RASGEF1A: variants seen among roughly 807,000 people sequenced by gnomAD.
The protein encoded by RASGEF1A is ras-GEF domain-containing family member 1A.
Under a neutral mutation model 56.4 loss-of-function variants are expected in RASGEF1A, and 18 were observed. That is an observed-to-expected ratio of 0.32 (90% CI 0.22 to 0.47). The LOEUF (loss-of-function observed/expected upper bound fraction) is 0.47, where lower values mean the gene tolerates loss of function less well. RASGEF1A is among the 20% of genes least tolerant of loss of function. RASGEF1A has a pLI of 1.00. For missense variants in RASGEF1A, 422 were observed against 627.1 expected, an observed-to-expected ratio of 0.67 and a Z score of 3.49; for synonymous variants, 245 against 242.6, an observed-to-expected ratio of 1.01 and a Z score of -0.09.
intron 2 of RASGEF1A, 96 bp from the exon 3 acceptor site, chr10:43,203,516 C>G: frequency 1.4e-6 from 2 of 1,436,718 alleles, no homozygotes; most frequent in Non-Finnish European, 1.8e-6. Context: ...CCTCCCAGGC[C>G]CAGCACCGCC....
chr10:43,219,265 T>C (rs1166668895), intron 1 of RASGEF1A, among the ~76,000 whole-genome samples: 1 of 152,196 alleles, frequency 6.6e-6, no homozygotes, highest in East Asian at 1.9e-4. Flanking sequence ...TGGGCAGCCC[T>C]GTGCCTCCCA....
chr10:43,232,485 C>CTTTTTTT (rs55766600), intron 1 of RASGEF1A, among the ~76,000 whole-genome samples: 3 of 123,692 alleles, frequency 2.4e-5, no homozygotes, highest in Non-Finnish European at 1.7e-5. Context: ...CAGTCTCCGG[C>CTTTTTTT]TTTTTTTTTT....
intron 1 of RASGEF1A, among the ~76,000 whole-genome samples, chr10:43,228,598 G>T (rs1179032176): frequency 6.6e-6 from 1 of 152,238 alleles, no homozygotes; most frequent in Non-Finnish European, 1.5e-5. Context: ...ACTGCACCAT[G>T]TTGTGAGCTG....
At chr10:43,212,152 C>T (rs1219203772) in intron 1 of RASGEF1A, among the ~76,000 whole-genome samples, 2 of 152,168 alleles carry the variant, frequency 1.3e-5, no homozygotes, top group Non-Finnish European at 2.9e-5. Context: ...AATCCTCACC[C>T]CAGAGGCACT....
chr10:43,242,994 C>T lies in RASGEF1A; in HGVS notation c.-7+23851G>A, dbSNP rs368840214. The stretch of plus-strand genomic sequence containing the variant: ...GCAGCGTCTCTGCCTGGCCGCCCAT[C>T]GTCTGGGATGTGAGGAGCCCCTCTG... On this transcript the variant is annotated intron_variant, in intron 1 of 12. Coordinates refer to ENST00000395810, the MANE Select transcript of RASGEF1A (RefSeq NM_145313.4). 4.1e-3 allele frequency among the ~76,000 whole-genome samples: 621 copies of T among 151,918 alleles called. 4 individuals are homozygous for T. Among genetic ancestry groups the T allele is most frequent in the African/African-American group, 0.014 (579 of 41,392 alleles).
intron 1 of RASGEF1A, among the ~76,000 whole-genome samples, chr10:43,252,326 C>T (rs1044821949): frequency 1.3e-5 from 2 of 152,202 alleles, no homozygotes; most frequent in African/African-American, 2.4e-5. Context: ...CAGACCAGCA[C>T]ACCCACCTCT....
At chr10:43,198,634 C>A (rs1253552111) in intron 9 of RASGEF1A, among the ~76,000 whole-genome samples, 1 of 152,280 alleles carries the variant, frequency 6.6e-6, no homozygotes, top group Non-Finnish European at 1.5e-5. Context: ...GACCTGGAGA[C>A]ACTGACCAAG....
intron 1 of RASGEF1A, among the ~76,000 whole-genome samples, chr10:43,249,250 C>A (rs1840600192): frequency 6.6e-6 from 1 of 152,226 alleles, no homozygotes; most frequent in Non-Finnish European, 1.5e-5. Flanking sequence ...CACACCCACA[C>A]CACTGCCAGC....
chr10:43,220,192 G>A (rs768440829), intron 1 of RASGEF1A, among the ~76,000 whole-genome samples: 1 of 152,208 alleles, frequency 6.6e-6, no homozygotes, highest in Non-Finnish European at 1.5e-5. Context: ...ATAATGTGTT[G>A]TGGTCCTTAG....
At chr10:43,256,352 C>A (rs1375739786) in intron 1 of RASGEF1A, among the ~76,000 whole-genome samples, 1 of 152,192 alleles carries the variant, frequency 6.6e-6, no homozygotes, top group Non-Finnish European at 1.5e-5. Flanking sequence ...CTGGCTGTGT[C>A]CTCCCTGGAC....
chr10:43,215,772 C>T (rs1840128641), intron 1 of RASGEF1A, among the ~76,000 whole-genome samples: 2 of 152,162 alleles, frequency 1.3e-5, no homozygotes, highest in Admixed American at 6.5e-5. Context: ...TGTGGTGCCA[C>T]GCACAACGGC....
chr10:43,225,762 G>A (rs1446591975), intron 1 of RASGEF1A, among the ~76,000 whole-genome samples: 2 of 152,196 alleles, frequency 1.3e-5, no homozygotes, highest in African/African-American at 4.8e-5. Flanking sequence ...GGGCACTCTA[G>A]GAACATGCCA....
intron 1 of RASGEF1A, among the ~76,000 whole-genome samples, chr10:43,239,470 C>G (rs1840476938): frequency 6.6e-6 from 1 of 152,206 alleles, no homozygotes; most frequent in Non-Finnish European, 1.5e-5. Flanking sequence ...TCAGAATCCA[C>G]ATTTTTAGAA....
chr10:43,217,772 G>A (rs1316390893), intron 1 of RASGEF1A, among the ~76,000 whole-genome samples: 1 of 152,228 alleles, frequency 6.6e-6, no homozygotes, highest in Admixed American at 6.5e-5. Flanking sequence ...CAACCGGGCT[G>A]CATCCACCTC....
At chr10:43,203,532 C>G (rs1254961) in intron 2 of RASGEF1A, 112 bp from the exon 3 acceptor site, 647,194 of 1,415,140 alleles carry the variant, frequency 0.46, 153,366 homozygotes, top group East Asian at 0.72. Flanking sequence ...CCGCCGGTCC[C>G]GAGGCCATGC....
chr10:43,235,589 C>T (rs779262649), intron 1 of RASGEF1A, among the ~76,000 whole-genome samples: 3 of 152,222 alleles, frequency 2.0e-5, no homozygotes, highest in Non-Finnish European at 4.4e-5. Flanking sequence ...AGTGCCAAGG[C>T]GCCATCCTCA....
At position 43,200,789 on chromosome 10, in the gene RASGEF1A, G is replaced by A. The variant is rs144867552; in HGVS notation, c.559C>T (p.Arg187Trp). 22 of 1,613,922 alleles carry A rather than the reference G, an allele frequency of 1.4e-5. No homozygotes were observed. Among genetic ancestry groups the A allele is most frequent in the South Asian group, 6.6e-5 (6 of 91,084 alleles). The change falls in exon 5 of 13, where the codon CGG becomes TGG. Residue 187 changes from arginine (R) to tryptophan (W), a missense_variant. By Grantham distance (101) the Arg-to-Trp change is moderately radical. Around this residue, in one of 2 missense-constraint regions of RASGEF1A, gnomAD observed 273 missense variants for 339.9 expected, o/e 0.80. Coordinates refer to ENST00000395810, the MANE Select transcript of RASGEF1A (RefSeq NM_145313.4). ...GGCCCCTTGTCTACAGCCGGTGGCC[G>A]GAGCTTCTCTCGCAGTTCCTGGAGC... is the stretch of plus-strand genomic sequence containing the variant. ...SQLQELREKLRPPAVDKGPIL... is the reference protein window; with the variant it reads ...SQLQELREKLWPPAVDKGPIL...
intron 1 of RASGEF1A, among the ~76,000 whole-genome samples, chr10:43,239,484 C>T (rs1284294364): frequency 6.6e-6 from 1 of 152,188 alleles, no homozygotes; most frequent in Non-Finnish European, 1.5e-5. Context: ...TTTAGAACTT[C>T]CAAAATTAAC....
chr10:43,200,343 G>A lies in RASGEF1A; in HGVS notation c.682-87C>T, dbSNP rs536616926. On this transcript the variant is annotated intron_variant, in intron 5 of 12. Transcript: ENST00000395810. ...ATAGGCATGCGGACAGGGAGAGGAGGAGCTGCCCAGGGCACAGGACCTTCA... is the reference window on the plus strand; with the variant it reads ...ATAGGCATGCGGACAGGGAGAGGAGAAGCTGCCCAGGGCACAGGACCTTCA... 2.5e-6 allele frequency: 3 copies of A among 1,202,662 alleles called. No individual in the cohort carries two copies. In the African/African-American group the frequency reaches 4.5e-5, roughly 18 times the overall value. The allele number at this position is 1,202,662 out of a possible 1,614,324, so 74.5% of individuals were successfully genotyped here.
Sources: allele counts gnomAD v4.1 joint callset (sites outside exome capture counted in the v4.1 genomes callset), GRCh38; gene constraint gnomAD v4.1.1; regional missense constraint gnomAD v4.1.1; transcripts MANE v1.5; gene names NCBI Gene and HGNC (gene_info 2026-07-23, HGNC 2026-07-21).